Variants in RBBP4 observed in about 807,000 individuals in gnomAD.
RBBP4 encodes the protein histone-binding protein RBBP4.
In RBBP4, 3 loss-of-function variants were observed where a neutral mutation model predicts 57.2. That is an observed-to-expected ratio of 0.05 (90% CI 0.02 to 0.14). The LOEUF (loss-of-function observed/expected upper bound fraction) is 0.14. Among genes scored for constraint, RBBP4 ranks in the 10% least tolerant of loss-of-function variants. The pLI is 1.00. For missense variants in RBBP4, 107 were observed against 520.6 expected (o/e 0.21, Z 7.73); for synonymous variants, 151 against 171.5 (o/e 0.88, Z 0.93).
rs551208092 is a variant in RBBP4, at chr1:32,682,370, A to G, written c.*2665A>G. On this transcript the variant is annotated 3_prime_UTR_variant, in exon 12 of 12. Coordinates refer to ENST00000373493, the MANE Select transcript of RBBP4 (RefSeq NM_005610.3). Reference sequence around the variant, plus strand: ...CAGGAGGCAGAGTTGCAGTGAGCCAAGATCGTGCCACTACTCCAGCCTGGG... The same window carrying G: ...CAGGAGGCAGAGTTGCAGTGAGCCAGGATCGTGCCACTACTCCAGCCTGGG... 6.5e-6 allele frequency: 1 copy of G among 152,720 alleles called. No individual in the cohort carries two copies. Among genetic ancestry groups the G allele is most frequent in the African/African-American group, 2.4e-5 (1 of 41,498 alleles). 9.5% of individuals were successfully genotyped at this position (152,720 alleles called of 1,614,324 possible).
At chr1:32,678,485 C>T (rs1649217075) in intron 11 of RBBP4, among the ~76,000 whole-genome samples, 1 of 151,740 alleles carries the variant, frequency 6.6e-6, no homozygotes, top group Non-Finnish European at 1.5e-5. Context: ...CCTTGGCCTC[C>T]CAAAATGCTG....
At position 32,659,135 on chromosome 1, in the gene RBBP4, ATT is replaced by A. The variant is rs772392194; in HGVS notation, c.310+1566_310+1567del. ...ATATATAATTTATATATACATATAA[ATT>A]TTATATATATAAAATATATGTAATT... On this transcript the variant is annotated intron_variant, in intron 3 of 11. Transcript: ENST00000373493. Among the ~76,000 whole-genome samples, 580 of 145,758 alleles carry A rather than the reference ATT, an allele frequency of 4.0e-3. 3 individuals are homozygous for A. Among genetic ancestry groups the A allele is most frequent in the Middle Eastern group, 0.029 (8 of 276 alleles).
chr1:32,678,041 T>C (rs1046160507), intron 11 of RBBP4, among the ~76,000 whole-genome samples: 8 of 152,224 alleles, frequency 5.3e-5, no homozygotes, highest in Non-Finnish European at 1.2e-4. Flanking sequence ...CGGAACATAT[T>C]GTTTTGGAAG....
intron 3 of RBBP4, among the ~76,000 whole-genome samples, chr1:32,663,831 C>T (rs1272292297): frequency 3.9e-5 from 6 of 152,132 alleles, no homozygotes; most frequent in African/African-American, 1.4e-4. Context: ...CTGCCTCGGC[C>T]TCTCAAAGTG....
intron 11 of RBBP4, among the ~76,000 whole-genome samples, chr1:32,674,107 AAT>A (rs1296500980): frequency 6.6e-6 from 1 of 152,162 alleles, no homozygotes; most frequent in African/African-American, 2.4e-5. Flanking sequence ...TCTCAATTAA[AAT>A]ATATATATGT....
chr1:32,666,153 T>C (rs1648637414), intron 3 of RBBP4, among the ~76,000 whole-genome samples: 2 of 152,146 alleles, frequency 1.3e-5, no homozygotes, highest in Non-Finnish European at 2.9e-5. Flanking sequence ...GCTCTGTTTT[T>C]CCTCACTGAA....
intron 11 of RBBP4, among the ~76,000 whole-genome samples, chr1:32,678,746 C>G (rs115054123): frequency 3.3e-3 from 499 of 151,746 alleles, no homozygotes; most frequent in South Asian, 8.3e-3. Context: ...TGCACCCCCA[C>G]ACATGGCTGA....
intron 8 of RBBP4, among the ~76,000 whole-genome samples, chr1:32,671,754 G>A (rs937919756): frequency 8.6e-5 from 13 of 151,062 alleles, no homozygotes; most frequent in East Asian, 5.9e-4. Flanking sequence ...TTAGCTGGCC[G>A]TGGTGGCGGA....
At chr1:32,663,732 A>G (rs1015601407) in intron 3 of RBBP4, among the ~76,000 whole-genome samples, 2 of 151,424 alleles carry the variant, frequency 1.3e-5, no homozygotes, top group East Asian at 2.0e-4. Flanking sequence ...GCCTGCCACC[A>G]TGCCCAGCTA....
intron 11 of RBBP4, among the ~76,000 whole-genome samples, chr1:32,675,596 C>T (rs939907695): frequency 1.3e-5 from 2 of 150,606 alleles, no homozygotes; most frequent in Admixed American, 6.6e-5. Context: ...GGTGAAACCC[C>T]GACTCTACTA....
intron 3 of RBBP4, among the ~76,000 whole-genome samples, chr1:32,663,632 A>G (rs989829120): frequency 1.4e-4 from 21 of 151,660 alleles, no homozygotes; most frequent in Non-Finnish European, 2.4e-4. Flanking sequence ...GCTGGAGTGT[A>G]GTGGCATGAT....
chr1:32,658,934 T>C (rs1235146219), intron 3 of RBBP4, among the ~76,000 whole-genome samples: 1 of 9,680 alleles, frequency 1.0e-4, no homozygotes, highest in African/African-American at 1.4e-4. Flanking sequence ...AAATGTTATA[T>C]TTATATATAA....
At chr1:32,666,358 C>CTT (rs1337681854) in intron 3 of RBBP4, among the ~76,000 whole-genome samples, 2 of 93,068 alleles carry the variant, frequency 2.1e-5, no homozygotes, top group African/African-American at 6.6e-5. Flanking sequence ...AATTTGAAAA[C>CTT]TTTATTTTTT....
chr1:32,659,352 G>A (rs898839124), intron 3 of RBBP4, among the ~76,000 whole-genome samples: 1 of 151,828 alleles, frequency 6.6e-6, no homozygotes, highest in East Asian at 1.9e-4. Flanking sequence ...CTTGAGGTCA[G>A]GAGTTCAAGA....
rs528850058 is a variant in RBBP4, at chr1:32,684,057, G to C, written c.*4352G>C. On this transcript the variant is annotated 3_prime_UTR_variant, in exon 12 of 12. Coordinates refer to ENST00000373493, the MANE Select transcript of RBBP4 (RefSeq NM_005610.3). ...ACCTGCCTGAGAAGTGGGAGCATCA[G>C]CCTGTTCCAGGCTCTTGGGTAGTAG... 30 of 1,614,222 alleles carry C rather than the reference G, an allele frequency of 1.9e-5. No homozygotes were observed. The South Asian group carries it at 2.3e-4, about 12-fold the overall frequency.
chr1:32,681,787 C>G lies in RBBP4; in HGVS notation c.*2082C>G. The G allele has an allele frequency of 6.2e-7, 1 of 1,613,892 alleles. No individual in the cohort carries two copies. The highest frequency in any genetic ancestry group is 1.6e-4 in the Middle Eastern group (1 of 6,062). On this transcript the variant is annotated 3_prime_UTR_variant, in exon 12 of 12. Coordinates refer to ENST00000373493, the MANE Select transcript of RBBP4 (RefSeq NM_005610.3). ...GTTGGAAGAGTACATCCAAAGGGTA[C>G]TTAGTGATCCTTTGCTAAGAAGTTT...
intron 2 of RBBP4, among the ~76,000 whole-genome samples, chr1:32,653,634 C>A (rs1266057924): frequency 4.7e-5 from 2 of 42,350 alleles, no homozygotes; most frequent in African/African-American, 1.3e-4. Context: ...TTTTTGTTTT[C>A]TGGTTTTTTT....
intron 1 of RBBP4, 39 bp downstream of exon 1, chr1:32,651,361 C>A: frequency 7.0e-7 from 1 of 1,420,334 alleles, no homozygotes. Flanking sequence ...GCAGTGGGTG[C>A]CTGGGCTGAG....
At chr1:32,670,471 G>A (rs866010683) in intron 8 of RBBP4, among the ~76,000 whole-genome samples, 3 of 152,144 alleles carry the variant, frequency 2.0e-5, no homozygotes, top group Non-Finnish European at 4.4e-5. Flanking sequence ...ATTAAAAAAA[G>A]AAATAATCAC....
Sources: allele counts gnomAD v4.1 joint callset (sites outside exome capture counted in the v4.1 genomes callset), GRCh38; gene constraint gnomAD v4.1.1; transcripts MANE v1.5; gene names NCBI Gene and HGNC (gene_info 2026-07-23, HGNC 2026-07-21).